Variants in NFIB observed in about 807,000 individuals in gnomAD.
NFIB encodes nuclear factor 1 B-type.
In NFIB, 11 loss-of-function variants were observed where a neutral mutation model predicts 61.5. The ratio of observed to expected loss-of-function variants is 0.18; its 90% CI spans 0.11 to 0.30. NFIB has a LOEUF of 0.30. Ranked by LOEUF, NFIB falls within the 10% of genes least tolerant of loss-of-function variation. The pLI, the probability that NFIB is intolerant of heterozygous loss-of-function variation, is 1.00. For missense variants in NFIB, 471 were observed against 608.9 expected, an observed-to-expected ratio of 0.77 and a Z score of 2.38; for synonymous variants, 260 against 216.5, an observed-to-expected ratio of 1.20 and a Z score of -1.76.
the NFIB span, among the ~76,000 whole-genome samples, chr9:14,446,950 C>T: frequency 2.0e-5 from 3 of 152,192 alleles, no homozygotes; most frequent in South Asian, 2.1e-4. Context: ...AATAACATTT[C>T]CCCTGAAAAT....
At chr9:14,212,292 C>T (rs2050396983) in intron 2 of NFIB, among the ~76,000 whole-genome samples, 1 of 152,228 alleles carries the variant, frequency 6.6e-6, no homozygotes, top group African/African-American at 2.4e-5. Flanking sequence ...AAACCACTCA[C>T]TGACTTAATT....
rs375736787 is a variant in NFIB at position 14,175,163 on chromosome 9, A to ATTTTTTTTTTTTTTTTTTTTTTTTTT, written c.616+4563_616+4564insAAAAAAAAAAAAAAAAAAAAAAAAAA. Among the ~76,000 whole-genome samples, 4 of 102,106 alleles carry ATTTTTTTTTTTTTTTTTTTTTTTTTT rather than the reference A, an allele frequency of 3.9e-5. 2 individuals carry two copies. The allele number at this position is 102,106 out of a possible 152,430, so 67.0% of individuals were successfully genotyped here. A position where few individuals can be genotyped will look rare whatever the true frequency, so the allele number is the denominator to read the frequency against. ...TCTCAAAATTTTTATGACTTAAAGA[A>ATTTTTTTTTTTTTTTTTTTTTTTTTT]TTTCTTTTTTTTTTTTTTTTTTTTG... On this transcript the variant is annotated intron_variant, in intron 3 of 10. Transcript: ENST00000380953.
intron 4 of NFIB, 56 bp downstream of exon 4, chr9:14,155,769 A>G: frequency 9.0e-7 from 1 of 1,114,730 alleles, no homozygotes; most frequent in Non-Finnish European, 1.3e-6. Context: ...GGTTCAAAAT[A>G]TAAAGTATTT....
chr9:14,510,314 G>A, the NFIB span, among the ~76,000 whole-genome samples: 1 of 152,170 alleles, frequency 6.6e-6, no homozygotes, highest in African/African-American at 2.4e-5. Flanking sequence ...AGATGAACAT[G>A]GGCTGGGACA....
intron 2 of NFIB, among the ~76,000 whole-genome samples, chr9:14,261,316 C>CA (rs545113218): frequency 9.4e-5 from 14 of 149,020 alleles, no homozygotes; most frequent in East Asian, 3.9e-4. Flanking sequence ...GACTCCGTCT[C>CA]AAAAAAAAAG....
At chr9:14,142,486 A>C (rs571459793) in intron 6 of NFIB, among the ~76,000 whole-genome samples, 6 of 152,298 alleles carry the variant, frequency 3.9e-5, no homozygotes, top group East Asian at 1.9e-4. Flanking sequence ...GAGCAACGGA[A>C]TACAACTGGA....
intron 3 of NFIB, among the ~76,000 whole-genome samples, chr9:14,176,804 G>A (rs1414043133): frequency 1.3e-5 from 2 of 152,138 alleles, no homozygotes; most frequent in African/African-American, 2.4e-5. Context: ...CCAAGCCAGA[G>A]GAGGTGTTAA....
chr9:14,203,215 C>G (rs2049255096), intron 2 of NFIB, among the ~76,000 whole-genome samples: 1 of 151,898 alleles, frequency 6.6e-6, no homozygotes, highest in Admixed American at 6.6e-5. Context: ...CCCATGGCAT[C>G]TTTTGAGACA....
At chr9:14,236,426 C>T (rs145769293) in intron 2 of NFIB, among the ~76,000 whole-genome samples, 6 of 152,234 alleles carry the variant, frequency 3.9e-5, no homozygotes, top group Non-Finnish European at 8.8e-5. Context: ...TTTGTAATTA[C>T]CATAAAACTC....
chr9:14,499,047 T>C, the NFIB span, among the ~76,000 whole-genome samples: 1 of 151,838 alleles, frequency 6.6e-6, no homozygotes, highest in Admixed American at 6.6e-5. Flanking sequence ...TGCACGTGTG[T>C]ACGTGTGTGT....
chr9:14,217,833 C>A (rs188836406), intron 2 of NFIB, among the ~76,000 whole-genome samples: 1 of 151,998 alleles, frequency 6.6e-6, no homozygotes, highest in East Asian at 1.9e-4. Context: ...TTCTTTCCCC[C>A]AAAAGACATG....
At chr9:14,465,177 T>A in the NFIB span, among the ~76,000 whole-genome samples, 2 of 152,312 alleles carry the variant, frequency 1.3e-5, no homozygotes, top group African/African-American at 4.8e-5. Flanking sequence ...AGAATTGGAA[T>A]CTTAAAATTA....
At chr9:14,383,924 A>T (rs961763642) in intron 1 of NFIB, among the ~76,000 whole-genome samples, 2 of 152,186 alleles carry the variant, frequency 1.3e-5, no homozygotes, top group Admixed American at 1.3e-4. Flanking sequence ...CGCTTTAAAT[A>T]CCATCGTGTT....
chr9:14,111,058 C>A (rs2119002493), intron 10 of NFIB, among the ~76,000 whole-genome samples: 1 of 152,204 alleles, frequency 6.6e-6, no homozygotes, highest in African/African-American at 2.4e-5. Flanking sequence ...AACGTATTCA[C>A]ATTGTAAGTG....
At chr9:14,231,135 A>AAAAAATATATATATAT (rs55959148) in intron 2 of NFIB, among the ~76,000 whole-genome samples, 1 of 35,354 alleles carries the variant, frequency 2.8e-5, no homozygotes, top group African/African-American at 1.0e-4. Flanking sequence ...AAAAAAAAAA[A>AAAAAATATATATATAT]ATATATATAT....
intron 1 of NFIB, among the ~76,000 whole-genome samples, chr9:14,340,221 AGCCCAGT>A (rs1201950669): frequency 2.6e-5 from 4 of 152,188 alleles, no homozygotes; most frequent in Non-Finnish European, 5.9e-5. Context: ...TAACTTAAGG[AGCCCAGT>A]GCCTACCGAC....
chr9:14,471,564 A>ACTAT, the NFIB span, among the ~76,000 whole-genome samples: 2 of 152,370 alleles, frequency 1.3e-5, no homozygotes, highest in East Asian at 3.9e-4. Flanking sequence ...AATCATAGCC[A>ACTAT]CTATTTAGGA....
the NFIB span, among the ~76,000 whole-genome samples, chr9:14,527,169 A>G: frequency 6.6e-6 from 1 of 152,186 alleles, no homozygotes; most frequent in Non-Finnish European, 1.5e-5. Flanking sequence ...ATGCAACACT[A>G]AAGAACATAG....
At chr9:14,241,893 G>C (rs1200359540) in intron 2 of NFIB, among the ~76,000 whole-genome samples, 1 of 152,106 alleles carries the variant, frequency 6.6e-6, no homozygotes, top group Non-Finnish European at 1.5e-5. Flanking sequence ...ATCCCAATTT[G>C]ACTCATGACT....
Sources: gnomAD v4.1 joint callset for allele counts (sites outside exome capture counted in the v4.1 genomes callset) on GRCh38, gnomAD v4.1.1 for gene constraint, MANE v1.5 for transcripts, NCBI Gene and HGNC (gene_info 2026-07-23, HGNC 2026-07-21) for gene names.